Variants in TAS2R1 observed in about 807,000 individuals in gnomAD.
TAS2R1 encodes the protein taste receptor type 2 member 1.
For synonymous variants in TAS2R1, 141 were observed against 134.2 expected (o/e 1.05, Z -0.35); for missense variants, 370 against 353.4 (o/e 1.05, Z -0.38).
chr5:9,823,180 A>G, the TAS2R1 span, among the ~76,000 whole-genome samples: 6 of 133,172 alleles, frequency 4.5e-5, no homozygotes, highest in East Asian at 1.8e-3. Context: ...TAAAAAGCAA[A>G]CCAGTCTTCC....
At chr5:9,713,549 T>C (rs1211480363), upstream of TAS2R1, among the ~76,000 whole-genome samples, 3 of 152,128 alleles carry the variant, frequency 2.0e-5, no homozygotes, top group Admixed American at 2.0e-4. Context: ...TGCTGAAATG[T>C]GATGAGGAGA....
At chr5:9,682,817 C>A (rs926019482) in intron 1 of TAS2R1, among the ~76,000 whole-genome samples, 1 of 152,118 alleles carries the variant, frequency 6.6e-6, no homozygotes, top group Non-Finnish European at 1.5e-5. Flanking sequence ...AATGAGGACA[C>A]CCAAACTAAA....
At chr5:9,858,558 C>T in the TAS2R1 span, among the ~76,000 whole-genome samples, 1 of 152,138 alleles carries the variant, frequency 6.6e-6, no homozygotes, top group Non-Finnish European at 1.5e-5. Flanking sequence ...ATATGATTCC[C>T]TCAATGTTAA....
At chr5:9,787,682 GCTAAGCAACCATGGGCTACTCCTTTC>G in the TAS2R1 span, among the ~76,000 whole-genome samples, 17 of 152,186 alleles carry the variant, frequency 1.1e-4, no homozygotes, top group Admixed American at 3.3e-4. Context: ...ACATCTGCGT[GCTAAGCAACCATGGGCTACTCCTTTC>G]CAGCAACTTT....
the TAS2R1 span, among the ~76,000 whole-genome samples, chr5:9,823,780 A>T: frequency 9.0e-3 from 1,366 of 152,278 alleles, 60 homozygotes; most frequent in Admixed American, 0.065. Flanking sequence ...TCCTTTGGGT[A>T]CAGTTTCAAC....
chr5:9,753,238 A>C, the TAS2R1 span, among the ~76,000 whole-genome samples: 68 of 152,312 alleles, frequency 4.5e-4, 2 homozygotes, highest in Admixed American at 2.1e-3. Flanking sequence ...AATGATCACC[A>C]TTCTAACTGG....
chr5:9,844,709 G>A, the TAS2R1 span, among the ~76,000 whole-genome samples: 2 of 151,996 alleles, frequency 1.3e-5, no homozygotes, highest in Non-Finnish European at 2.9e-5. Context: ...TCTATATTCT[G>A]CTTGGAAGCT....
chr5:9,886,619 C>T, the TAS2R1 span, among the ~76,000 whole-genome samples: 1 of 152,108 alleles, frequency 6.6e-6, no homozygotes, highest in East Asian at 1.9e-4. Flanking sequence ...CAGATGTGAG[C>T]CACCGTTCCC....
At chr5:9,757,216 C>G in the TAS2R1 span, among the ~76,000 whole-genome samples, 3 of 152,148 alleles carry the variant, frequency 2.0e-5, no homozygotes, top group African/African-American at 7.2e-5. Context: ...AATTCATTTT[C>G]CAGGTCTCAT....
the TAS2R1 span, among the ~76,000 whole-genome samples, chr5:9,767,350 T>G: frequency 2.5e-4 from 38 of 152,172 alleles, no homozygotes; most frequent in African/African-American, 8.7e-4. Context: ...TTGTCTGAGC[T>G]GTCCAGATCT....
the TAS2R1 span, among the ~76,000 whole-genome samples, chr5:9,880,152 G>T: frequency 2.0e-5 from 3 of 152,102 alleles, no homozygotes; most frequent in African/African-American, 7.2e-5. Flanking sequence ...TAAACTATAC[G>T]TAAAGAGGAA....
upstream of TAS2R1, among the ~76,000 whole-genome samples, chr5:9,715,479 ATTGAT>A (rs1376205614): frequency 6.6e-6 from 1 of 152,244 alleles, no homozygotes; most frequent in South Asian, 2.1e-4. Flanking sequence ...CATACAGCTT[ATTGAT>A]TTATTTGGAG....
chr5:9,702,131 C>T (rs1307933994), intron 1 of TAS2R1, among the ~76,000 whole-genome samples: 2 of 152,186 alleles, frequency 1.3e-5, no homozygotes, highest in African/African-American at 4.8e-5. Flanking sequence ...TTCCCTTAAA[C>T]CTTGGAATAC....
intron 2 of TAS2R1, chr5:9,642,060 C>G (rs967864249): frequency 2.0e-5 from 3 of 152,230 alleles, no homozygotes; most frequent in Admixed American, 2.0e-4. Flanking sequence ...CTTGAGGTAA[C>G]TGACAGGCGG....
chr5:9,836,790 C>T, the TAS2R1 span, among the ~76,000 whole-genome samples: 9,104 of 152,194 alleles, frequency 0.06, 653 homozygotes, highest in East Asian at 0.23. Context: ...GACACAAACA[C>T]AAAGTGTGAC....
At chr5:9,685,727 G>A (rs1294826858) in intron 1 of TAS2R1, among the ~76,000 whole-genome samples, 1 of 152,180 alleles carries the variant, frequency 6.6e-6, no homozygotes, top group African/African-American at 2.4e-5. Flanking sequence ...ACTATATAGT[G>A]TCCAGGGAAG....
chr5:9,839,181 A>C, the TAS2R1 span, among the ~76,000 whole-genome samples: 1 of 152,214 alleles, frequency 6.6e-6, no homozygotes, highest in African/African-American at 2.4e-5. Flanking sequence ...AAGAGCTTAG[A>C]GCTTTGCACA....
chr5:9,758,455 C>T, the TAS2R1 span, among the ~76,000 whole-genome samples: 1 of 152,106 alleles, frequency 6.6e-6, no homozygotes, highest in African/African-American at 2.4e-5. Flanking sequence ...TGTTCTCCTT[C>T]CCAGAAATTT....
At chr5:9,813,563 C>G in the TAS2R1 span, among the ~76,000 whole-genome samples, 1 of 152,102 alleles carries the variant, frequency 6.6e-6, no homozygotes, top group Non-Finnish European at 1.5e-5. Context: ...TGACTGCACC[C>G]CTCTGGACTG....
Sources: gnomAD v4.1 joint callset for allele counts (sites outside exome capture counted in the v4.1 genomes callset) on GRCh38, gnomAD v4.1.1 for gene constraint, MANE v1.5 for transcripts, NCBI Gene and HGNC (gene_info 2026-07-23, HGNC 2026-07-21) for gene names.